NXPH1: variants seen among roughly 807,000 people sequenced by gnomAD.
The protein encoded by NXPH1 is neurexophilin 1, also known as neurexophilin-1.
Under a neutral mutation model 23.7 loss-of-function variants are expected in NXPH1, and 5 were observed. That is an observed-to-expected ratio of 0.21 (90% confidence interval 0.11 to 0.44). NXPH1 has a LOEUF of 0.44. Among genes scored for constraint, NXPH1 ranks in the 20% least tolerant of loss-of-function variants. The pLI, the probability that NXPH1 is intolerant of heterozygous loss-of-function variation, is 0.99. For missense variants in NXPH1, 324 were observed against 321.6 expected (o/e 1.01, Z -0.06); for synonymous variants, 144 against 122.2 (o/e 1.18, Z -1.18).
intron 2 of NXPH1, among the ~76,000 whole-genome samples, chr7:8,647,372 G>A (rs879785274): frequency 3.5e-4 from 54 of 152,270 alleles, no homozygotes; most frequent in African/African-American, 1.3e-3. Flanking sequence ...AAAATAAAGG[G>A]GTGGGAGGCA....
intron 2 of NXPH1, among the ~76,000 whole-genome samples, chr7:8,445,514 G>C (rs1339935528): frequency 6.6e-6 from 1 of 152,162 alleles, no homozygotes; most frequent in Non-Finnish European, 1.5e-5. Flanking sequence ...CTAGAGCTAA[G>C]ATGAAGATAC....
At chr7:8,713,565 A>C (rs1179924742) in intron 2 of NXPH1, among the ~76,000 whole-genome samples, 1 of 151,910 alleles carries the variant, frequency 6.6e-6, no homozygotes. Context: ...AGTCTTTGCA[A>C]CCTTGGCTTG....
At position 8,664,235 on chromosome 7, in the gene NXPH1, A is replaced by G. The variant is rs1020795478; in HGVS notation, c.55-86773A>G. ...CTTTCATTTTTAATTCTCTTTGCCT[A>G]GCTTTTTCCCCTTTGTGAGGACCAA... is the stretch of plus-strand genomic sequence containing the variant. On this transcript the variant is annotated intron_variant, in intron 2 of 2. Transcript: ENST00000405863. Among the ~76,000 whole-genome samples, 14 of 152,138 alleles carry G rather than the reference A, an allele frequency of 9.2e-5. 1 individual carries two copies. The East Asian group carries it at 2.5e-3, about 27-fold the overall frequency.
rs138748473 is a variant in NXPH1, at chr7:8,476,071, T to C, written c.54+40304T>C. ...CATGATGCAAGTAATGTTCTGAAAG[T>C]AATTTGATAAGTTCTTCTACAGTAG... On this transcript the variant is annotated intron_variant, in intron 2 of 2. Coordinates refer to ENST00000405863, the MANE Select transcript of NXPH1 (RefSeq NM_152745.3). 3.0e-3 allele frequency among the ~76,000 whole-genome samples: 455 copies of C among 152,274 alleles called. 3 individuals carry two copies. Among genetic ancestry groups the C allele is most frequent in the African/African-American group, 0.01 (429 of 41,568 alleles).
Position 8,616,166 on chromosome 7 carries a change from T to A in NXPH1, c.55-134842T>A, listed in dbSNP as rs1426496286. On this transcript the variant is annotated intron_variant, in intron 2 of 2. Transcript: ENST00000405863. Reference sequence around the variant, plus strand: ...CTGCTACCTTTCTGACCTCATGATCTTTCACTCTCTTCTTACACAGTCACG... The same window carrying A: ...CTGCTACCTTTCTGACCTCATGATCATTCACTCTCTTCTTACACAGTCACG... Among the ~76,000 whole-genome samples, 3 of 152,134 alleles carry A rather than the reference T, an allele frequency of 2.0e-5. No individual in the cohort carries two copies. In the East Asian group the frequency reaches 5.8e-4, roughly 29 times the overall value.
intron 2 of NXPH1, among the ~76,000 whole-genome samples, chr7:8,670,341 C>A (rs2214580): frequency 0.019 from 2,858 of 152,224 alleles, 44 homozygotes; most frequent in Middle Eastern, 0.048. Context: ...AGTTCTATCC[C>A]TTTTTTCTTC....
At chr7:8,634,544 G>C (rs1174302276) in intron 2 of NXPH1, among the ~76,000 whole-genome samples, 1 of 152,008 alleles carries the variant, frequency 6.6e-6, no homozygotes, top group African/African-American at 2.4e-5. Context: ...ATACTCATCT[G>C]AGTGTTTCAG....
intron 2 of NXPH1, among the ~76,000 whole-genome samples, chr7:8,653,914 T>C (rs1437981728): frequency 6.6e-6 from 1 of 152,208 alleles, no homozygotes; most frequent in Non-Finnish European, 1.5e-5. Flanking sequence ...TCAACTCCTA[T>C]CGTTAGAAAA....
chr7:8,602,053 T>C (rs988132716), intron 2 of NXPH1, among the ~76,000 whole-genome samples: 13 of 152,232 alleles, frequency 8.5e-5, no homozygotes, highest in African/African-American at 2.9e-4. Flanking sequence ...TTGGTGGATA[T>C]AGTATATCAG....
chr7:8,487,713 T>C (rs1407674558), intron 2 of NXPH1, among the ~76,000 whole-genome samples: 1 of 152,072 alleles, frequency 6.6e-6, no homozygotes, highest in Non-Finnish European at 1.5e-5. Context: ...GTGACTCTAC[T>C]CAAAATAGAA....
intron 2 of NXPH1, among the ~76,000 whole-genome samples, chr7:8,655,114 G>T (rs1358149800): frequency 6.6e-6 from 1 of 152,114 alleles, no homozygotes; most frequent in Non-Finnish European, 1.5e-5. Flanking sequence ...GCTGGGCGAA[G>T]TAGCTTATGT....
chr7:8,504,034 C>T (rs573059010), intron 2 of NXPH1, among the ~76,000 whole-genome samples: 26 of 152,090 alleles, frequency 1.7e-4, no homozygotes, highest in Admixed American at 4.6e-4. Flanking sequence ...TTCAGTGTTT[C>T]CTCAACTTTG....
At chr7:8,511,486 G>A (rs112501124) in intron 2 of NXPH1, among the ~76,000 whole-genome samples, 1 of 152,198 alleles carries the variant, frequency 6.6e-6, no homozygotes, top group East Asian at 1.9e-4. Flanking sequence ...TGTGAGGCTG[G>A]TGTGTACAGT....
At chr7:8,436,749 C>G (rs1816203240) in intron 2 of NXPH1, among the ~76,000 whole-genome samples, 1 of 152,198 alleles carries the variant, frequency 6.6e-6, no homozygotes, top group Non-Finnish European at 1.5e-5. Flanking sequence ...TATGTTCTGT[C>G]TAGGGGTGAG....
In NXPH1 at chr7:8,482,442, G is replaced by A. The variant is rs963037868; in HGVS notation, c.54+46675G>A. On this transcript the variant is annotated intron_variant, in intron 2 of 2. Transcript: ENST00000405863. ...AGTACTTATTGTTTATATGGCACTG[G>A]GAGTCTTTAGGTTCTCTTTTGGGCT... 2.6e-5 allele frequency among the ~76,000 whole-genome samples: 4 copies of A among 152,132 alleles called. No individual in the cohort carries two copies. The East Asian group carries it at 7.7e-4, about 29-fold the overall frequency.
intron 2 of NXPH1, among the ~76,000 whole-genome samples, chr7:8,549,920 C>A (rs1818252673): frequency 6.6e-6 from 1 of 151,544 alleles, no homozygotes; most frequent in Non-Finnish European, 1.5e-5. Context: ...CTAAATTATA[C>A]TGGTTTCCTT....
chr7:8,437,117 C>T (rs899625089), intron 2 of NXPH1, among the ~76,000 whole-genome samples: 4 of 152,228 alleles, frequency 2.6e-5, no homozygotes, highest in Admixed American at 6.5e-5. Context: ...GCCCACAGGA[C>T]ACCTTGGGGT....
chr7:8,555,257 C>T (rs1818338798), intron 2 of NXPH1, among the ~76,000 whole-genome samples: 1 of 151,678 alleles, frequency 6.6e-6, no homozygotes, highest in African/African-American at 2.4e-5. Flanking sequence ...TTGGAGGCTG[C>T]ATTTGTGAAT....
At chr7:8,465,669 C>T (rs1048892601) in intron 2 of NXPH1, among the ~76,000 whole-genome samples, 2 of 152,222 alleles carry the variant, frequency 1.3e-5, no homozygotes, top group African/African-American at 4.8e-5. Context: ...ACACTCTGCT[C>T]TCCCTGGTGG....
Sources: allele counts gnomAD v4.1 joint callset (sites outside exome capture counted in the v4.1 genomes callset), GRCh38; gene constraint gnomAD v4.1.1; transcripts MANE v1.5; gene names NCBI Gene and HGNC (gene_info 2026-07-23, HGNC 2026-07-21).